Variants in TWF2 observed in about 807,000 individuals in gnomAD.
TWF2 encodes twinfilin actin binding protein 2.
Under a neutral mutation model 45.1 loss-of-function variants are expected in TWF2, and 15 were observed. That is an observed-to-expected ratio of 0.33 (90% CI 0.22 to 0.51). The LOEUF is 0.51. TWF2 is among the 20% of genes least tolerant of loss of function. The probability of loss-of-function intolerance (pLI) is 0.97; values close to 1 mark genes in which losing one functional copy is unlikely to be tolerated. For synonymous variants in TWF2, 177 were observed against 195.8 expected (o/e 0.90, Z 0.80); for missense variants, 423 against 469.1 (o/e 0.90, Z 0.91).
In TWF2 at chr3:52,235,136, G is replaced by A. The variant is rs771318041; in HGVS notation, c.26-30C>T. On this transcript the variant is annotated intron_variant, in intron 1 of 8. Coordinates refer to ENST00000305533, the MANE Select transcript of TWF2 (RefSeq NM_007284.4). ...AAGAACAAGAAACATGGTGGGGGAT[G>A]AGTGGGCAGAGTGGACAGAGACGAG... 6.8e-6 allele frequency: 11 copies of A among 1,607,062 alleles called. 1 individual carries two copies. In the South Asian group the frequency reaches 1.2e-4, roughly 18 times the overall value.
Position 52,234,933 on chromosome 3 carries a change from C to T in TWF2, c.103+96G>A. 2.8e-6 allele frequency: 4 copies of T among 1,415,924 alleles called. No homozygotes were observed. In the South Asian group the frequency reaches 3.6e-5, roughly 13 times the overall value. The allele number at this position is 1,415,924 out of a possible 1,614,324, so 87.7% of individuals were successfully genotyped here. A position where few individuals can be genotyped will look rare whatever the true frequency, so the allele number is the denominator to read the frequency against. ...CATTTCCAGAGTGGGAAATTGAGGT[C>T]CCGGCAGGCCAGGGGCCAACATCCT... is the stretch of plus-strand genomic sequence containing the variant. On this transcript the variant is annotated intron_variant, in intron 2 of 8. Transcript: ENST00000305533.
intron 1 of TWF2, among the ~76,000 whole-genome samples, chr3:52,236,375 ACCAAGGACC>A (rs925722688): frequency 2.0e-5 from 3 of 151,760 alleles, no homozygotes; most frequent in Non-Finnish European, 4.4e-5. Context: ...CCAGTGAGTG[ACCAAGGACC>A]CCAGGGCAGA....
chr3:52,229,018 G>T lies in TWF2; in HGVS notation c.*16C>A, dbSNP rs1172775075. On this transcript the variant is annotated 3_prime_UTR_variant, in exon 9 of 9. Transcript: ENST00000305533. ...CAGCCCCACAGTCCACACGTGGCCG[G>T]CCCTGCTCCAGCCTCCTAGCTGTCA... The T allele has an allele frequency of 6.2e-7, 1 of 1,609,212 alleles. No homozygotes were observed. The highest frequency in any genetic ancestry group is 8.5e-7 in the Non-Finnish European group (1 of 1,178,634).
chr3:52,239,105 T>A lies in TWF2; in HGVS notation c.-89A>T. ...TCGCTGGACCAAGAGAGGTGGAGGATGTGGCGGAGGCTGTCGACCCTCGCG... is the reference window on the plus strand; with the variant it reads ...TCGCTGGACCAAGAGAGGTGGAGGAAGTGGCGGAGGCTGTCGACCCTCGCG... On this transcript the variant is annotated 5_prime_UTR_variant, in exon 1 of 9. Coordinates refer to ENST00000305533, the MANE Select transcript of TWF2 (RefSeq NM_007284.4). 6.7e-7 allele frequency: 1 copy of A among 1,487,574 alleles called. No individual in the cohort carries two copies. The highest frequency in any genetic ancestry group is 1.2e-5 in the South Asian group (1 of 80,986). 92.1% of individuals were successfully genotyped at this position (1,487,574 alleles called of 1,614,324 possible).
intron 5 of TWF2, 56 bp downstream of exon 5, chr3:52,231,071 C>T: frequency 6.2e-7 from 1 of 1,611,646 alleles, no homozygotes; most frequent in South Asian, 1.1e-5. Flanking sequence ...CACAGGCTGC[C>T]ACTGGGCCGA....
chr3:52,236,821 A>G (rs1352995957), intron 1 of TWF2, among the ~76,000 whole-genome samples: 2 of 152,052 alleles, frequency 1.3e-5, no homozygotes, highest in Non-Finnish European at 2.9e-5. Context: ...ACACCATCCC[A>G]CTGGGCCAGG....
At chr3:52,229,547 G>C (rs1699658327) in intron 8 of TWF2, 114 bp downstream of exon 8, 2 of 1,512,302 alleles carry the variant, frequency 1.3e-6, no homozygotes, top group Non-Finnish European at 1.8e-6. Flanking sequence ...GATGCCCTAT[G>C]ATCAACACGA....
chr3:52,233,913 CAAAAAA>C (rs5848945), intron 2 of TWF2, among the ~76,000 whole-genome samples: 1 of 74,242 alleles, frequency 1.3e-5, no homozygotes. Context: ...AACTCCGTCT[CAAAAAA>C]AAAAAAAAAA....
At position 52,229,145 on chromosome 3, in the gene TWF2, G is replaced by A. The variant is rs1409289614; in HGVS notation, c.939C>T (p.His313=). The change falls in exon 9 of 9, where the codon CAC becomes CAT. Residue 313 remains histidine (H), a synonymous_variant. Transcript: ENST00000305533. The stretch of plus-strand genomic sequence containing the variant: ...CCTGCTTGAAGGCGTGTTGCTTGGG[G>A]TGCACCTCGTCGTAGAGGAACTCTG... ...LTAEFLYDEV[H]PKQHAFKQAF... 4.3e-6 allele frequency: 7 copies of A among 1,613,472 alleles called. No homozygotes were observed. The highest frequency in any genetic ancestry group is 5.9e-6 in the Non-Finnish European group (7 of 1,180,014).
chr3:52,233,998 C>T (rs1699703456), intron 2 of TWF2, among the ~76,000 whole-genome samples: 1 of 150,480 alleles, frequency 6.6e-6, no homozygotes, highest in Non-Finnish European at 1.5e-5. Flanking sequence ...TCAATGAGTA[C>T]AACTGCCTTT....
At chr3:52,231,619 C>G in intron 3 of TWF2, 80 bp from the exon 4 acceptor site, 1 of 1,456,688 alleles carries the variant, frequency 6.9e-7, no homozygotes, top group South Asian at 1.3e-5. Context: ...TCTGGAGGAA[C>G]TCGGTGGGCT....
intron 1 of TWF2, among the ~76,000 whole-genome samples, chr3:52,235,496 AAC>A (rs1195270007): frequency 1.3e-5 from 2 of 152,172 alleles, no homozygotes; most frequent in African/African-American, 2.4e-5. Context: ...CAGAAAAAAG[AAC>A]ACAGACAAAT....
rs1441767132 is a variant in TWF2, at chr3:52,229,016, C to T, written c.*18G>A. 5.0e-6 allele frequency: 8 copies of T among 1,607,834 alleles called. No homozygotes were observed. Among genetic ancestry groups the T allele is most frequent in the East Asian group, 2.2e-5 (1 of 44,854 alleles). ...GGCAGCCCCACAGTCCACACGTGGC[C>T]GGCCCTGCTCCAGCCTCCTAGCTGT... is the stretch of plus-strand genomic sequence containing the variant. On this transcript the variant is annotated 3_prime_UTR_variant, in exon 9 of 9. Coordinates refer to ENST00000305533, the MANE Select transcript of TWF2 (RefSeq NM_007284.4).
At chr3:52,229,832 C>T (rs1559440245) in intron 7 of TWF2, 50 bp from the exon 8 acceptor site, 2 of 1,599,034 alleles carry the variant, frequency 1.3e-6, no homozygotes, top group Non-Finnish European at 1.7e-6. Flanking sequence ...ACCTGCTGAC[C>T]TTCGCACCCA....
chr3:52,232,999 G>A (rs375944098), intron 2 of TWF2, among the ~76,000 whole-genome samples: 4 of 152,138 alleles, frequency 2.6e-5, no homozygotes, highest in East Asian at 3.9e-4. Context: ...CAACAAGAGC[G>A]AAACTCCGTC....
chr3:52,229,313 C>G, intron 8 of TWF2, 112 bp from the exon 9 acceptor site: 2 of 1,394,554 alleles, frequency 1.4e-6, no homozygotes, highest in Non-Finnish European at 1.9e-6. Flanking sequence ...GCCCTGGGGT[C>G]TCCTGAGGTC....
rs1288349922 is a variant in TWF2, at chr3:52,231,002, G to A, written c.484-7C>T. On this transcript the variant is annotated splice_region_variant and splice_polypyrimidine_tract_variant and intron_variant, in intron 5 of 8. Transcript: ENST00000305533. ...CACTGATCTCTGTCTTCACCTGTGG[G>A]TAGGGGAATGGTGAGGGAGGCCCTC... The A allele has an allele frequency of 1.2e-6, 2 of 1,608,590 alleles. No individual in the cohort carries two copies. The highest frequency in any genetic ancestry group is 4.5e-5 in the East Asian group (2 of 44,694).
Position 52,239,136 on chromosome 3 carries a change from T to G in TWF2, c.-120A>C, listed in dbSNP as rs937864853. 8 of 1,289,070 alleles carry G rather than the reference T, an allele frequency of 6.2e-6. No individual in the cohort carries two copies. Among genetic ancestry groups the G allele is most frequent in the South Asian group, 1.9e-5 (1 of 52,712 alleles). The allele number at this position is 1,289,070 out of a possible 1,614,324, so 79.9% of individuals were successfully genotyped here. A position where few individuals can be genotyped will look rare whatever the true frequency, so the allele number is the denominator to read the frequency against. On this transcript the variant is annotated 5_prime_UTR_variant, in exon 1 of 9. Coordinates refer to ENST00000305533, the MANE Select transcript of TWF2 (RefSeq NM_007284.4). ...GGAGGCTGTCGACCCTCGCGCAGCT[T>G]CCCGGGCGGTGCCGCAGGACCCGCC...
intron 2 of TWF2, among the ~76,000 whole-genome samples, chr3:52,234,654 G>A (rs115039076): frequency 3.0e-4 from 45 of 152,302 alleles, no homozygotes; most frequent in African/African-American, 1.1e-3. Context: ...ACCAACAAAT[G>A]AGGCGGGTGG....
Sources: allele counts gnomAD v4.1 joint callset (sites outside exome capture counted in the v4.1 genomes callset), GRCh38; gene constraint gnomAD v4.1.1; transcripts MANE v1.5; gene names NCBI Gene and HGNC (gene_info 2026-07-23, HGNC 2026-07-21).